Variants in CNTNAP5 observed in about 807,000 individuals in gnomAD.
CNTNAP5 encodes the protein contactin-associated protein-like 5.
In CNTNAP5, 72 loss-of-function variants were observed where a neutral mutation model predicts 150.2. The observed-to-expected ratio is 0.48, with a 90% CI of 0.40 to 0.58. The LOEUF is 0.58. Ranked by LOEUF, CNTNAP5 falls within the 20% of genes least tolerant of loss-of-function variation. The probability of loss-of-function intolerance (pLI) is 0.00; values close to 1 mark genes in which losing one functional copy is unlikely to be tolerated. For synonymous variants in CNTNAP5, 672 were observed against 619.8 expected (o/e 1.08, Z -1.25); for missense variants, 1,636 against 1,626.2 (o/e 1.01, Z -0.10).
rs1558773944 is a variant in CNTNAP5, at chr2:124,145,831, A to AG, written c.83-75873dup. Reference sequence around the variant, plus strand: ...AAACATTAAAAAAAAAAAAAAAAGAAGAAAAAAAAAAAAAATAAAATATAT... The same window carrying AG: ...AAACATTAAAAAAAAAAAAAAAAGAAGGAAAAAAAAAAAAAATAAAATATAT... On this transcript the variant is annotated intron_variant, in intron 1 of 23. Coordinates refer to ENST00000682447, the MANE Select transcript of CNTNAP5 (RefSeq NM_001367498.1). 2.8e-3 allele frequency among the ~76,000 whole-genome samples: 39 copies of AG among 13,852 alleles called. 1 individual carries two copies. Among genetic ancestry groups the AG allele is most frequent in the Non-Finnish European group, 4.5e-3 (37 of 8,172 alleles). The allele number at this position is 13,852 out of a possible 152,430, so 9.1% of individuals were successfully genotyped here. A position where few individuals can be genotyped will look rare whatever the true frequency, so the allele number is the denominator to read the frequency against.
intron 10 of CNTNAP5, among the ~76,000 whole-genome samples, chr2:124,560,545 C>G (rs1220447912): frequency 6.7e-6 from 1 of 149,768 alleles, no homozygotes; most frequent in Non-Finnish European, 1.5e-5. Context: ...AACTAAAGTG[C>G]AGAAAACGTT....
At chr2:124,543,489 A>G (rs1024490247) in intron 10 of CNTNAP5, among the ~76,000 whole-genome samples, 4 of 152,106 alleles carry the variant, frequency 2.6e-5, no homozygotes, top group Non-Finnish European at 5.9e-5. Context: ...ACGCTTGTAA[A>G]GTTGGCGTTG....
At chr2:124,519,525 C>A (rs1037011861) in intron 8 of CNTNAP5, among the ~76,000 whole-genome samples, 9 of 152,190 alleles carry the variant, frequency 5.9e-5, no homozygotes, top group African/African-American at 1.9e-4. Flanking sequence ...ACCCACACTT[C>A]CCTTTGAACG....
chr2:124,380,427 T>C (rs1690759969), intron 3 of CNTNAP5, among the ~76,000 whole-genome samples: 1 of 152,148 alleles, frequency 6.6e-6, no homozygotes, highest in Admixed American at 6.6e-5. Context: ...GCATAATGCA[T>C]TTGTACTCTG....
At chr2:124,795,905 G>T (rs916198516) in intron 18 of CNTNAP5, among the ~76,000 whole-genome samples, 1 of 152,050 alleles carries the variant, frequency 6.6e-6, no homozygotes, top group Admixed American at 6.6e-5. Flanking sequence ...CTCAAGGGGT[G>T]TTGTTGATAG....
chr2:124,414,159 C>T (rs1437956206), intron 3 of CNTNAP5, among the ~76,000 whole-genome samples: 27 of 99,806 alleles, frequency 2.7e-4, no homozygotes, highest in Middle Eastern at 6.0e-3. Flanking sequence ...TGTTGTCATT[C>T]TTGTTGTTCA....
At chr2:124,361,999 T>C (rs1028051641) in intron 3 of CNTNAP5, among the ~76,000 whole-genome samples, 2 of 152,154 alleles carry the variant, frequency 1.3e-5, no homozygotes, top group African/African-American at 4.8e-5. Flanking sequence ...AGGTGCGGGA[T>C]ATAATCTTGT....
rs1398000943 is a variant in CNTNAP5, at chr2:124,647,101, C to T, written c.1877-657C>T. Among the ~76,000 whole-genome samples, 8 of 152,324 alleles carry T rather than the reference C, an allele frequency of 5.3e-5. No individual in the cohort carries two copies. In the South Asian group the frequency reaches 1.4e-3, roughly 28 times the overall value. ...TATCTCCCCTCTCTCACTGCCTTAC[C>T]TTCTTTCGCCTATTAGGCAAAATAT... is the stretch of plus-strand genomic sequence containing the variant. On this transcript the variant is annotated intron_variant, in intron 12 of 23. Coordinates refer to ENST00000682447, the MANE Select transcript of CNTNAP5 (RefSeq NM_001367498.1).
At chr2:124,366,079 G>A (rs1260423305) in intron 3 of CNTNAP5, among the ~76,000 whole-genome samples, 1 of 152,018 alleles carries the variant, frequency 6.6e-6, no homozygotes, top group South Asian at 2.1e-4. Context: ...TATACAGTGG[G>A]GACTAGCACA....
At chr2:124,069,618 C>T (rs557212335) in intron 1 of CNTNAP5, among the ~76,000 whole-genome samples, 17 of 152,024 alleles carry the variant, frequency 1.1e-4, no homozygotes, top group Non-Finnish European at 1.6e-4. Context: ...ATCACCCTAC[C>T]CCTAGCTCCA....
intron 11 of CNTNAP5, 27 bp downstream of exon 11, chr2:124,563,350 G>A: frequency 7.0e-7 from 1 of 1,426,676 alleles, no homozygotes; most frequent in East Asian, 2.5e-5. Flanking sequence ...TTTGCCCCTG[G>A]TGGCTTGGAC....
chr2:124,386,619 A>G (rs1690932697), intron 3 of CNTNAP5, among the ~76,000 whole-genome samples: 2 of 152,206 alleles, frequency 1.3e-5, no homozygotes, highest in Admixed American at 6.5e-5. Context: ...TAACTATCTG[A>G]TGGTAATTCT....
chr2:124,591,669 C>T (rs1285749011), intron 11 of CNTNAP5, among the ~76,000 whole-genome samples: 1 of 152,108 alleles, frequency 6.6e-6, no homozygotes, highest in African/African-American at 2.4e-5. Flanking sequence ...ACCCTGCACT[C>T]ATATAGTGAA....
intron 3 of CNTNAP5, among the ~76,000 whole-genome samples, chr2:124,394,501 A>C (rs1210287458): frequency 5.9e-5 from 9 of 152,198 alleles, no homozygotes; most frequent in Admixed American, 5.9e-4. Flanking sequence ...CAAGCACTAC[A>C]AACAATTTCT....
At chr2:124,096,394 C>T (rs1431096383) in intron 1 of CNTNAP5, among the ~76,000 whole-genome samples, 1 of 152,140 alleles carries the variant, frequency 6.6e-6, no homozygotes, top group Non-Finnish European at 1.5e-5. Flanking sequence ...TTTCATCACT[C>T]TCATGCAAAA....
At chr2:124,363,651 CTG>C (rs1336693237) in intron 3 of CNTNAP5, among the ~76,000 whole-genome samples, 1 of 152,088 alleles carries the variant, frequency 6.6e-6, no homozygotes, top group Non-Finnish European at 1.5e-5. Flanking sequence ...TCTAATAATA[CTG>C]TATTGTGCAC....
intron 3 of CNTNAP5, among the ~76,000 whole-genome samples, chr2:124,297,773 C>G (rs921807131): frequency 6.6e-6 from 1 of 150,874 alleles, no homozygotes; most frequent in East Asian, 1.9e-4. Flanking sequence ...TGCCACCCAT[C>G]GGAGAACTAC....
chr2:124,199,509 A>G (rs775256235), intron 1 of CNTNAP5, among the ~76,000 whole-genome samples: 1 of 138,214 alleles, frequency 7.2e-6, no homozygotes. Context: ...TCCGCTTCCC[A>G]GGTTCAAGCG....
intron 3 of CNTNAP5, among the ~76,000 whole-genome samples, chr2:124,316,576 C>A (rs1688964666): frequency 6.6e-6 from 1 of 151,946 alleles, no homozygotes; most frequent in African/African-American, 2.4e-5. Flanking sequence ...GAGGCCAAGG[C>A]AGGCAGATCA....
Sources: gnomAD v4.1 joint callset for allele counts (sites outside exome capture counted in the v4.1 genomes callset) on GRCh38, gnomAD v4.1.1 for gene constraint, MANE v1.5 for transcripts, NCBI Gene and HGNC (gene_info 2026-07-23, HGNC 2026-07-21) for gene names.